The following CACNA1D variants were observed in gnomAD, a reference collection of about 807,000 sequenced individuals.
CACNA1D encodes calcium voltage-gated channel subunit alpha1 D, also known as voltage-dependent L-type calcium channel subunit alpha-1D.
In CACNA1D, 55 loss-of-function variants were observed where a neutral mutation model predicts 257.1. That is an observed-to-expected ratio of 0.21 (90% CI 0.17 to 0.27). The LOEUF is 0.27. CACNA1D is among the 10% of genes least tolerant of loss of function. CACNA1D has a pLI of 1.00. For synonymous variants in CACNA1D, 980 were observed against 1,014.9 expected, an observed-to-expected ratio of 0.97 and a Z score of 0.65; for missense variants, 1,876 against 2,784.0, an observed-to-expected ratio of 0.67 and a Z score of 7.34.
Position 53,800,094 on chromosome 3 carries a change from T to G in CACNA1D, c.4924-155T>G. On this transcript the variant is annotated intron_variant, in intron 40 of 47. Coordinates refer to ENST00000350061, the MANE Select transcript of CACNA1D (RefSeq NM_001128840.3). This position sits in a 1 kb window ranked among gnomAD's most constrained non-coding sequence, Gnocchi z 4.3. ...GATGCCTGACCATACCAACAACCCT[T>G]AGACTGCCTTCAGTGACATCAGTCA... The G allele has an allele frequency of 1.3e-6, 1 of 746,666 alleles. No homozygotes were observed. 46.3% of individuals were successfully genotyped at this position (746,666 alleles called of 1,614,324 possible). A position where few individuals can be genotyped will look rare whatever the true frequency, so the allele number is the denominator to read the frequency against.
At chr3:53,554,184 A>G (rs963831270) in intron 3 of CACNA1D, among the ~76,000 whole-genome samples, 1 of 149,704 alleles carries the variant, frequency 6.7e-6, no homozygotes, top group African/African-American at 2.5e-5. Context: ...CAACAGAGTG[A>G]GACTCTGTCT....
intron 3 of CACNA1D, among the ~76,000 whole-genome samples, chr3:53,559,141 C>T (rs978487525): frequency 6.6e-6 from 1 of 152,112 alleles, no homozygotes; most frequent in Admixed American, 6.5e-5. Context: ...CTGCTATTAC[C>T]TCCAGTCTGC....
At chr3:53,729,558 G>A (rs2094968404) in intron 15 of CACNA1D, among the ~76,000 whole-genome samples, 3 of 152,202 alleles carry the variant, frequency 2.0e-5, no homozygotes, top group Admixed American at 2.0e-4. Context: ...TTCACTGCTA[G>A]TGGGTAAGAA....
At chr3:53,733,912 TTGTGTGTGTGTGTGTGTTTG>T (rs2095025567) in intron 19 of CACNA1D, among the ~76,000 whole-genome samples, 2 of 111,202 alleles carry the variant, frequency 1.8e-5, no homozygotes, top group South Asian at 3.4e-4. Context: ...CTACAGCCCT[TTGTGTGTGTGTGTGTGTTTG>T]TGTGTGTGTG....
At chr3:53,778,692 A>G (rs1442012456) in intron 37 of CACNA1D, among the ~76,000 whole-genome samples, 1 of 152,212 alleles carries the variant, frequency 6.6e-6, no homozygotes, top group Non-Finnish European at 1.5e-5. Context: ...TTACAGGTTG[A>G]AGTGACTGGG....
rs1048654174 is a variant in CACNA1D at position 53,799,386 on chromosome 3, G to A, written c.4924-863G>A. On this transcript the variant is annotated intron_variant, in intron 40 of 47. Coordinates refer to ENST00000350061, the MANE Select transcript of CACNA1D (RefSeq NM_001128840.3). Reference sequence around the variant, plus strand: ...TAATGAAGTCATGAACAATGGAAGGGCTTATCCTGGGCCCTGTCTCAACAT... The same window carrying A: ...TAATGAAGTCATGAACAATGGAAGGACTTATCCTGGGCCCTGTCTCAACAT... 3.9e-5 allele frequency among the ~76,000 whole-genome samples: 6 copies of A among 152,176 alleles called. No individual in the cohort carries two copies. The East Asian group carries it at 1.2e-3, about 29-fold the overall frequency.
chr3:53,797,166 A>G (rs560060078), intron 40 of CACNA1D, among the ~76,000 whole-genome samples: 16 of 152,318 alleles, frequency 1.1e-4, no homozygotes, highest in South Asian at 6.2e-4. Flanking sequence ...ACTTGTGCCT[A>G]TGGAATTTTG....
At chr3:53,605,226 A>G (rs929766139) in intron 3 of CACNA1D, among the ~76,000 whole-genome samples, 1 of 152,120 alleles carries the variant, frequency 6.6e-6, no homozygotes, top group Non-Finnish European at 1.5e-5. Flanking sequence ...AGCAATTCCC[A>G]TGTAGTGTGA....
At position 53,755,390 on chromosome 3, in the gene CACNA1D, G is replaced by A. The variant is rs377124141; in HGVS notation, c.3786+1708G>A. Among the ~76,000 whole-genome samples the A allele has an allele frequency of 2.6e-4, 40 of 152,226 alleles. No individual in the cohort carries two copies. In the South Asian group the frequency reaches 5.4e-3, roughly 21 times the overall value. The stretch of plus-strand genomic sequence containing the variant: ...ATGTGTGTGCTTGCTCCCTTCAGCC[G>A]GCCAGTGCATTGACAGCCCAGTAGT... On this transcript the variant is annotated intron_variant, in intron 29 of 47. Coordinates refer to ENST00000350061, the MANE Select transcript of CACNA1D (RefSeq NM_001128840.3).
At chr3:53,769,334 G>C (rs934571758) in intron 30 of CACNA1D, among the ~76,000 whole-genome samples, 1 of 152,222 alleles carries the variant, frequency 6.6e-6, no homozygotes, top group African/African-American at 2.4e-5. Context: ...ATACGGACCT[G>C]CACTCCCTCT....
chr3:53,791,132 G>T, intron 40 of CACNA1D: 1 of 685,412 alleles, frequency 1.5e-6, no homozygotes, highest in Non-Finnish European at 2.7e-6. Context: ...GCAGGAAAAA[G>T]CAGACCCAAG....
intron 37 of CACNA1D, 65 bp from the exon 38 acceptor site, chr3:53,779,961 C>G: frequency 9.0e-7 from 1 of 1,112,684 alleles, no homozygotes; most frequent in Non-Finnish European, 1.4e-6. Context: ...AAATAAACAT[C>G]CAAAAGGATA....
chr3:53,808,792 G>A, intron 46 of CACNA1D, 22 bp downstream of exon 46: 1 of 1,603,464 alleles, frequency 6.2e-7, no homozygotes. Flanking sequence ...ACCTGGCCTT[G>A]CCCCCACACC....
chr3:53,624,146 T>C (rs1210575603), intron 3 of CACNA1D, among the ~76,000 whole-genome samples: 8 of 152,144 alleles, frequency 5.3e-5, no homozygotes, highest in Admixed American at 4.6e-4. Context: ...TAGATAGCAA[T>C]ATCAGGCGAG....
At chr3:53,599,388 G>A (rs1014444503) in intron 3 of CACNA1D, among the ~76,000 whole-genome samples, 2 of 151,986 alleles carry the variant, frequency 1.3e-5, no homozygotes, top group Non-Finnish European at 2.9e-5. Context: ...CCTTGAAATT[G>A]CTGCATTGAA....
At chr3:53,538,166 T>TTTTTTTTTTTTTTTTTG (rs1167212773) in intron 3 of CACNA1D, among the ~76,000 whole-genome samples, 1 of 129,310 alleles carries the variant, frequency 7.7e-6, no homozygotes, top group African/African-American at 2.8e-5. Context: ...TTTTTTTTTT[T>TTTTTTTTTTTTTTTTTG]TGACAGAGTC....
intron 3 of CACNA1D, among the ~76,000 whole-genome samples, chr3:53,580,430 C>T (rs191859713): frequency 6.6e-6 from 1 of 152,332 alleles, no homozygotes; most frequent in East Asian, 1.9e-4. Context: ...CTGGCAGATG[C>T]TTGGCCATCT....
intron 3 of CACNA1D, among the ~76,000 whole-genome samples, chr3:53,594,035 A>T (rs1334562899): frequency 6.6e-6 from 1 of 152,244 alleles, no homozygotes; most frequent in Non-Finnish European, 1.5e-5. Context: ...AACCAAGTTC[A>T]GTGACAGCCC....
chr3:53,732,697 C>T (rs2095009862), intron 18 of CACNA1D, 118 bp from the exon 19 acceptor site: 2 of 926,240 alleles, frequency 2.2e-6, no homozygotes, highest in Non-Finnish European at 3.6e-6. Flanking sequence ...GGTTTTGATT[C>T]ATGTAAGCAG....
Sources: gnomAD v4.1 joint callset for allele counts (sites outside exome capture counted in the v4.1 genomes callset) on GRCh38, gnomAD v4.1.1 for gene constraint, Gnocchi (gnomAD v3.1) non-coding constraint, MANE v1.5 for transcripts, NCBI Gene and HGNC (gene_info 2026-07-23, HGNC 2026-07-21) for gene names.